CTNND2: variants seen among roughly 807,000 people sequenced by gnomAD.
CTNND2 encodes catenin delta 2.
In CTNND2, 22 loss-of-function variants were observed where a neutral mutation model predicts 144.4. The ratio of observed to expected loss-of-function variants is 0.15; its 90% CI spans 0.11 to 0.22. The LOEUF (loss-of-function observed/expected upper bound fraction) is 0.22, where lower values mean the gene tolerates loss of function less well. Ranked by LOEUF, CTNND2 falls within the 10% of genes least tolerant of loss-of-function variation. The probability of loss-of-function intolerance (pLI) is 1.00; values close to 1 mark genes in which losing one functional copy is unlikely to be tolerated. For missense variants in CTNND2, 1,353 were observed against 1,618.8 expected, an observed-to-expected ratio of 0.84 and a Z score of 2.82; for synonymous variants, 751 against 695.6, an observed-to-expected ratio of 1.08 and a Z score of -1.25.
intron 4 of CTNND2, 109 bp downstream of exon 4, chr5:11,411,926 G>T: frequency 3.4e-6 from 3 of 888,616 alleles, no homozygotes; most frequent in South Asian, 1.4e-5. Flanking sequence ...TTTTACTATC[G>T]GGATGTTTTC....
At chr5:11,550,372 A>G (rs1026020896) in intron 3 of CTNND2, among the ~76,000 whole-genome samples, 2 of 152,258 alleles carry the variant, frequency 1.3e-5, no homozygotes, top group African/African-American at 4.8e-5. Flanking sequence ...CCAAAAGACA[A>G]AATTGAACTC....
At chr5:11,432,130 T>TA (rs1460243034) in intron 3 of CTNND2, among the ~76,000 whole-genome samples, 15 of 150,196 alleles carry the variant, frequency 1.0e-4, no homozygotes, top group African/African-American at 3.7e-4. Flanking sequence ...GCTTTTTTTT[T>TA]TTTTTTTTTT....
intron 1 of CTNND2, among the ~76,000 whole-genome samples, chr5:11,831,641 AGG>A (rs1793906702): frequency 6.7e-6 from 1 of 150,236 alleles, no homozygotes; most frequent in Non-Finnish European, 1.5e-5. Flanking sequence ...CACTCCAGCC[AGG>A]GCAACAGAGG....
At chr5:11,035,755 A>C (rs1744000210) in intron 16 of CTNND2, among the ~76,000 whole-genome samples, 1 of 152,202 alleles carries the variant, frequency 6.6e-6, no homozygotes, top group South Asian at 2.1e-4. Context: ...TTAATATGTA[A>C]AATTAAGACA....
intron 1 of CTNND2, among the ~76,000 whole-genome samples, chr5:11,763,180 T>C (rs530801879): frequency 6.6e-6 from 1 of 152,210 alleles, no homozygotes; most frequent in Non-Finnish European, 1.5e-5. Flanking sequence ...GTATGTTTCC[T>C]GAGGCCTCTC....
At position 11,001,934 on chromosome 5, in the gene CTNND2, TG is replaced by T. The variant is rs1740005861; in HGVS notation, c.3085-9258del. Among the ~76,000 whole-genome samples, 3 of 152,272 alleles carry T rather than the reference TG, an allele frequency of 2.0e-5. No individual in the cohort carries two copies. In the South Asian group the frequency reaches 6.2e-4, roughly 32 times the overall value. On this transcript the variant is annotated intron_variant, in intron 18 of 21. Transcript: ENST00000304623. ...ATCTCTGCCACCTCTGGCCCCTGGG[TG>T]GGTGCTGACTCAGTTGGAGCACACA...
chr5:11,623,789 AATATATATATGTGTGTATGTATATATAT>A lies in CTNND2; in HGVS notation c.175-58761_175-58734del, dbSNP rs1189496974. Among the ~76,000 whole-genome samples the A allele has an allele frequency of 3.8e-3, 448 of 118,612 alleles. 13 individuals are homozygous for A. In the East Asian group the frequency reaches 0.05, roughly 13 times the overall value. The allele number at this position is 118,612 out of a possible 152,430, so 77.8% of individuals were successfully genotyped here. ...TCAAGAAGAAGACCTAACTATCGTA[AATATATATATGTGTGTATGTATATATAT>A]ATATATATATATATATATATATATA... is the stretch of plus-strand genomic sequence containing the variant. On this transcript the variant is annotated intron_variant, in intron 2 of 21. Transcript: ENST00000304623.
intron 2 of CTNND2, among the ~76,000 whole-genome samples, chr5:11,648,761 C>T (rs1040093152): frequency 2.6e-5 from 4 of 152,126 alleles, no homozygotes; most frequent in Non-Finnish European, 5.9e-5. Context: ...CCAATTCCAC[C>T]ATGACACTCA....
At chr5:11,474,951 A>T (rs116447691) in intron 3 of CTNND2, among the ~76,000 whole-genome samples, 9,377 of 152,230 alleles carry the variant, frequency 0.062, 445 homozygotes, top group Non-Finnish European at 0.084. Context: ...TGTCATGGCC[A>T]CCCGTTTTCA....
At chr5:11,023,809 T>C (rs1217857610) in intron 16 of CTNND2, among the ~76,000 whole-genome samples, 3 of 152,236 alleles carry the variant, frequency 2.0e-5, no homozygotes, top group African/African-American at 7.2e-5. Flanking sequence ...TATGGAGTAC[T>C]TTTAGTTTAC....
At chr5:11,260,365 C>T (rs1029174901) in intron 9 of CTNND2, among the ~76,000 whole-genome samples, 24 of 151,876 alleles carry the variant, frequency 1.6e-4, no homozygotes, top group African/African-American at 3.9e-4. Flanking sequence ...TTGCTTCTTC[C>T]GAAGAGCTTT....
intron 15 of CTNND2, chr5:11,083,963 A>G: frequency 9.1e-7 from 1 of 1,099,712 alleles, no homozygotes; most frequent in Non-Finnish European, 1.1e-6. Context: ...GCCCTGCATG[A>G]AATATGAAAT....
chr5:11,585,765 A>AG (rs1778808851), intron 2 of CTNND2, among the ~76,000 whole-genome samples: 5 of 149,026 alleles, frequency 3.4e-5, no homozygotes, highest in Admixed American at 3.3e-4. Context: ...AATTAAGAAC[A>AG]GCGTCATTGA....
At chr5:11,340,786 G>T (rs896315106) in intron 9 of CTNND2, among the ~76,000 whole-genome samples, 5 of 152,184 alleles carry the variant, frequency 3.3e-5, no homozygotes, top group Non-Finnish European at 7.3e-5. Context: ...CTGAAAGTCA[G>T]ATTTGGGTTC....
rs150486494 is a variant in CTNND2, at chr5:11,561,718, T to A, written c.287+3226A>T. On this transcript the variant is annotated intron_variant, in intron 3 of 21. Transcript: ENST00000304623. Reference sequence around the variant, plus strand: ...CAAATGCATACTGATAATTTTTTTTTAAAGTTGAAATGTTGATGTGACTAC... The same window carrying A: ...CAAATGCATACTGATAATTTTTTTTAAAAGTTGAAATGTTGATGTGACTAC... 8.1e-4 allele frequency among the ~76,000 whole-genome samples: 123 copies of A among 152,238 alleles called. 1 individual carries two copies. The highest frequency in any genetic ancestry group is 2.7e-3 in the African/African-American group (113 of 41,554).
At position 11,236,681 on chromosome 5, in the gene CTNND2, G is replaced by A. The variant is rs1168337916; in HGVS notation, c.1761+10C>T. ...GACACCAATCATTTCAGAATCCAAG[G>A]AGCACTGACCTCGGCTTTAATTTTG... On this transcript the variant is annotated intron_variant, in intron 10 of 21. Transcript: ENST00000304623. 4 of 1,613,830 alleles carry A rather than the reference G, an allele frequency of 2.5e-6. No homozygotes were observed. Among genetic ancestry groups the A allele is most frequent in the East Asian group, 2.2e-5 (1 of 44,874 alleles).
At chr5:10,991,202 A>T (rs185504912) in intron 19 of CTNND2, among the ~76,000 whole-genome samples, 1 of 152,270 alleles carries the variant, frequency 6.6e-6, no homozygotes, top group African/African-American at 2.4e-5. Flanking sequence ...TCAGTCAGAT[A>T]TTGGCCATTC....
At chr5:11,528,899 A>G (rs1329815232) in intron 3 of CTNND2, among the ~76,000 whole-genome samples, 1 of 152,222 alleles carries the variant, frequency 6.6e-6, no homozygotes, top group Non-Finnish European at 1.5e-5. Flanking sequence ...GGGATGGAGC[A>G]GAGCTGTCTG....
intron 2 of CTNND2, among the ~76,000 whole-genome samples, chr5:11,601,162 G>A (rs1436602511): frequency 6.6e-6 from 1 of 152,108 alleles, no homozygotes; most frequent in East Asian, 1.9e-4. Context: ...GTATAAACGA[G>A]AACATGCATA....
Sources: gnomAD v4.1 joint callset for allele counts (sites outside exome capture counted in the v4.1 genomes callset) on GRCh38, gnomAD v4.1.1 for gene constraint, MANE v1.5 for transcripts, NCBI Gene and HGNC (gene_info 2026-07-23, HGNC 2026-07-21) for gene names.